The following DNM3 variants were observed in gnomAD, a reference collection of about 807,000 sequenced individuals.
DNM3 encodes the protein dynamin 3.
A neutral mutation model predicts 101.6 loss-of-function variants in DNM3; 47 were observed. The ratio of observed to expected loss-of-function variants is 0.46; its 90% confidence interval spans 0.37 to 0.59. DNM3 has a LOEUF of 0.59. Ranked by LOEUF, DNM3 falls within the 20% of genes least tolerant of loss-of-function variation. The probability of loss-of-function intolerance (pLI) is 0.00; values close to 1 mark genes in which losing one functional copy is unlikely to be tolerated. For synonymous variants in DNM3, 385 were observed against 387.9 expected (o/e 0.99, Z 0.09); for missense variants, 849 against 1,085.7 (o/e 0.78, Z 3.06).
chr1:172,105,843 A>G (rs1032746303), intron 13 of DNM3, among the ~76,000 whole-genome samples: 23 of 152,190 alleles, frequency 1.5e-4, no homozygotes, highest in Admixed American at 2.0e-4. Context: ...AATTTTAAAT[A>G]GGATTTTTCA....
chr1:172,262,588 C>G (rs2062704590), intron 15 of DNM3, among the ~76,000 whole-genome samples: 1 of 152,108 alleles, frequency 6.6e-6, no homozygotes, highest in South Asian at 2.1e-4. Context: ...GAACTGTTTC[C>G]CTCTCCTTTC....
At chr1:172,118,791 CCAGTCA>C (rs1275274028) in intron 13 of DNM3, among the ~76,000 whole-genome samples, 2 of 151,784 alleles carry the variant, frequency 1.3e-5, no homozygotes, top group African/African-American at 4.8e-5. Context: ...TGCTTTCAAA[CCAGTCA>C]CAGCTGGCTG....
At chr1:171,873,180 T>C (rs77978935) in intron 1 of DNM3, among the ~76,000 whole-genome samples, 29 of 152,312 alleles carry the variant, frequency 1.9e-4, no homozygotes, top group Non-Finnish European at 3.8e-4. Flanking sequence ...CCAATCTCTA[T>C]AAGTGACACA....
intron 10 of DNM3, among the ~76,000 whole-genome samples, chr1:172,054,966 GC>G (rs532223246): frequency 3.7e-5 from 2 of 53,352 alleles, no homozygotes; most frequent in South Asian, 6.9e-4. Flanking sequence ...TTTCCCCCCC[GC>G]CCCCCCAAAT....
intron 13 of DNM3, among the ~76,000 whole-genome samples, chr1:172,099,304 A>G (rs2054471300): frequency 6.6e-6 from 1 of 152,190 alleles, no homozygotes; most frequent in Admixed American, 6.5e-5. Context: ...GCAGGGAGAT[A>G]CCTTGCTTCA....
chr1:172,004,723 T>C (rs1277367810), intron 4 of DNM3, among the ~76,000 whole-genome samples: 1 of 151,992 alleles, frequency 6.6e-6, no homozygotes, highest in Admixed American at 6.6e-5. Context: ...CCCTGGGCTC[T>C]GTGGAGCATG....
intron 7 of DNM3, 27 bp downstream of exon 7, chr1:172,038,488 C>T (rs2049129451): frequency 1.2e-6 from 2 of 1,603,728 alleles, no homozygotes; most frequent in Non-Finnish European, 1.7e-6. Context: ...TTCCTTGGCT[C>T]AGCATTTTAA....
chr1:172,167,952 T>G (rs1319352236), intron 14 of DNM3, among the ~76,000 whole-genome samples: 1 of 151,948 alleles, frequency 6.6e-6, no homozygotes, highest in East Asian at 1.9e-4. Context: ...TCCTGCAAAG[T>G]GGAGATTAAT....
At chr1:172,213,510 A>G (rs563847647) in intron 14 of DNM3, among the ~76,000 whole-genome samples, 4 of 99,566 alleles carry the variant, frequency 4.0e-5, no homozygotes, top group Non-Finnish European at 7.4e-5. Flanking sequence ...TTAAGAATCC[A>G]TTGTTACAAA....
At chr1:172,129,660 T>G (rs913751058) in intron 13 of DNM3, among the ~76,000 whole-genome samples, 2 of 152,104 alleles carry the variant, frequency 1.3e-5, no homozygotes, top group Admixed American at 6.6e-5. Flanking sequence ...TCAGGTCTTG[T>G]GAGACTCATT....
chr1:172,329,387 T>C (rs1475232414), intron 17 of DNM3, among the ~76,000 whole-genome samples: 1 of 152,164 alleles, frequency 6.6e-6, no homozygotes, highest in African/African-American at 2.4e-5. Context: ...GAAATTAGTA[T>C]TTAACTTACA....
At chr1:172,276,557 A>G (rs868608497) in intron 15 of DNM3, among the ~76,000 whole-genome samples, 194 of 144,366 alleles carry the variant, frequency 1.3e-3, no homozygotes, top group African/African-American at 4.7e-3. Context: ...AAAAATCTTA[A>G]TGTGTGTGTG....
At chr1:172,098,822 A>C (rs1227688392) in intron 13 of DNM3, among the ~76,000 whole-genome samples, 3 of 152,224 alleles carry the variant, frequency 2.0e-5, no homozygotes, top group Non-Finnish European at 4.4e-5. Flanking sequence ...GGTAGAACAA[A>C]AGCTAAAGGG....
intron 13 of DNM3, among the ~76,000 whole-genome samples, chr1:172,097,851 G>A (rs773789249): frequency 6.6e-6 from 1 of 152,160 alleles, no homozygotes; most frequent in African/African-American, 2.4e-5. Flanking sequence ...GTGTCCAGGG[G>A]AGATGTCACG....
chr1:172,341,387 T>TAA (rs1455978988), intron 17 of DNM3, among the ~76,000 whole-genome samples: 1 of 152,106 alleles, frequency 6.6e-6, no homozygotes, highest in Non-Finnish European at 1.5e-5. Context: ...AAAAATCTAG[T>TAA]ATAAAATTCA....
At chr1:172,271,433 T>G (rs1254361252) in intron 15 of DNM3, among the ~76,000 whole-genome samples, 1 of 152,160 alleles carries the variant, frequency 6.6e-6, no homozygotes, top group Non-Finnish European at 1.5e-5. Flanking sequence ...AGAGTGGCTT[T>G]TTTTTACAGT....
chr1:172,136,606 G>A (rs1286415324), intron 14 of DNM3: 1 of 151,998 alleles, frequency 6.6e-6, no homozygotes, highest in East Asian at 1.9e-4. Context: ...ACTATCTGAT[G>A]TTATTCTTTT....
At position 172,039,649 on chromosome 1, in the gene DNM3, T is replaced by A. The variant is rs1203058761; in HGVS notation, c.992+1188T>A. On this transcript the variant is annotated intron_variant, in intron 7 of 20. Transcript: ENST00000627582. ...ACCGGGTCTTGCCTCTGTGACTTTA[T>A]TGGACTCAGATTACAGAACTTTTCA... Among the ~76,000 whole-genome samples, 4 of 152,262 alleles carry A rather than the reference T, an allele frequency of 2.6e-5. No homozygotes were observed. In the South Asian group the frequency reaches 8.3e-4, roughly 32 times the overall value.
At chr1:171,932,681 TTTAA>T (rs2041121796) in intron 2 of DNM3, among the ~76,000 whole-genome samples, 1 of 152,248 alleles carries the variant, frequency 6.6e-6, no homozygotes, top group South Asian at 2.1e-4. Flanking sequence ...TTTTAAACTT[TTTAA>T]TTAACCATCT....
Sources: gnomAD v4.1 joint callset for allele counts (sites outside exome capture counted in the v4.1 genomes callset) on GRCh38, gnomAD v4.1.1 for gene constraint, MANE v1.5 for transcripts, NCBI Gene and HGNC (gene_info 2026-07-23, HGNC 2026-07-21) for gene names.